CDH18: variants seen among roughly 807,000 people sequenced by gnomAD.
The protein encoded by CDH18 is cadherin 18, also known as cadherin-18.
Under a neutral mutation model 67.9 loss-of-function variants are expected in CDH18, and 31 were observed. The observed-to-expected ratio is 0.46, with a 90% confidence interval of 0.34 to 0.62. CDH18 has a LOEUF of 0.62. Ranked by LOEUF, CDH18 falls within the 20% of genes least tolerant of loss-of-function variation. The pLI is 0.01. For missense variants in CDH18, 890 were observed against 975.5 expected (o/e 0.91, Z 1.17); for synonymous variants, 362 against 347.2 (o/e 1.04, Z -0.48).
At chr5:20,443,773 A>G (rs1036180313) in intron 1 of CDH18, among the ~76,000 whole-genome samples, 6 of 151,980 alleles carry the variant, frequency 3.9e-5, no homozygotes, top group Admixed American at 2.0e-4. Context: ...TCTATCTCTC[A>G]TTGACAAACT....
intron 2 of CDH18, among the ~76,000 whole-genome samples, chr5:19,956,314 A>G (rs891595274): frequency 6.6e-6 from 1 of 151,970 alleles, no homozygotes; most frequent in Non-Finnish European, 1.5e-5. Flanking sequence ...TATATGTTCA[A>G]TTTTAATCTT....
chr5:20,410,874 A>T (rs533172937), intron 1 of CDH18, among the ~76,000 whole-genome samples: 11 of 151,904 alleles, frequency 7.2e-5, no homozygotes, highest in African/African-American at 2.2e-4. Flanking sequence ...GGAATAAAAT[A>T]CTTAAGAATA....
At chr5:20,525,492 C>T (rs1755994457) in intron 1 of CDH18, among the ~76,000 whole-genome samples, 2 of 152,104 alleles carry the variant, frequency 1.3e-5, no homozygotes, top group Admixed American at 1.3e-4. Context: ...CTCCCAACTA[C>T]CACCCATAAA....
chr5:19,940,312 T>A (rs1429015593), intron 2 of CDH18, among the ~76,000 whole-genome samples: 1 of 151,808 alleles, frequency 6.6e-6, no homozygotes, highest in Admixed American at 6.6e-5. Flanking sequence ...ATAGCTTACA[T>A]GTGACCCTAT....
intron 5 of CDH18, among the ~76,000 whole-genome samples, chr5:19,613,839 T>C (rs896142003): frequency 2.6e-5 from 4 of 152,166 alleles, no homozygotes; most frequent in Admixed American, 2.0e-4. Context: ...TATATCTATG[T>C]GTATATATGT....
chr5:19,496,154 G>A (rs191681345), intron 11 of CDH18, among the ~76,000 whole-genome samples: 13 of 152,292 alleles, frequency 8.5e-5, no homozygotes, highest in Admixed American at 1.3e-4. Flanking sequence ...AAAGGCCACT[G>A]TGAGTGCACA....
chr5:20,565,736 T>C (rs1758465084), intron 1 of CDH18, among the ~76,000 whole-genome samples: 1 of 147,514 alleles, frequency 6.8e-6, no homozygotes, highest in South Asian at 2.2e-4. Flanking sequence ...AGCCTTTGCG[T>C]TCCTCCTTGT....
intron 1 of CDH18, among the ~76,000 whole-genome samples, chr5:20,482,278 G>A (rs560943529): frequency 1.3e-5 from 2 of 152,072 alleles, no homozygotes; most frequent in South Asian, 4.1e-4. Flanking sequence ...CAAGTAATGA[G>A]ATTAAAACCA....
intron 8 of CDH18, among the ~76,000 whole-genome samples, chr5:19,554,844 T>C (rs6886354): frequency 0.015 from 2,244 of 152,174 alleles, 56 homozygotes; most frequent in African/African-American, 0.051. Flanking sequence ...TTGTCCAGTG[T>C]CAATTATTAA....
chr5:20,292,795 A>G (rs976938879), intron 1 of CDH18, among the ~76,000 whole-genome samples: 3 of 152,098 alleles, frequency 2.0e-5, no homozygotes, highest in Non-Finnish European at 4.4e-5. Flanking sequence ...ATGTCTTCAT[A>G]TCATCTTCCC....
intron 2 of CDH18, among the ~76,000 whole-genome samples, chr5:19,953,396 T>C (rs920113513): frequency 1.3e-5 from 2 of 152,074 alleles, no homozygotes; most frequent in South Asian, 2.1e-4. Context: ...TATTGGTTTC[T>C]GTTATGTTGA....
intron 11 of CDH18, among the ~76,000 whole-genome samples, chr5:19,490,790 T>C (rs6894128): frequency 0.36 from 54,111 of 151,890 alleles, 10,054 homozygotes; most frequent in African/African-American, 0.45. Flanking sequence ...TTCTTTCATT[T>C]GTGAGTAGGA....
intron 2 of CDH18, among the ~76,000 whole-genome samples, chr5:20,053,537 T>A (rs1210644692): frequency 6.6e-6 from 1 of 152,102 alleles, no homozygotes; most frequent in Non-Finnish European, 1.5e-5. Context: ...AGACTGAGTA[T>A]CTTGGAGGCA....
chr5:19,943,143 G>C (rs1022686703), intron 2 of CDH18, among the ~76,000 whole-genome samples: 21 of 152,122 alleles, frequency 1.4e-4, no homozygotes, highest in African/African-American at 5.1e-4. Flanking sequence ...TTCCTGACAA[G>C]ACTGTGAGGT....
chr5:20,020,494 G>C (rs1738317929), intron 2 of CDH18, among the ~76,000 whole-genome samples: 1 of 152,160 alleles, frequency 6.6e-6, no homozygotes, highest in African/African-American at 2.4e-5. Context: ...TCAGGAACCA[G>C]CTGCCCTGTG....
chr5:20,471,833 T>TTAAAAAAAAAAAAAAAAAAAAAAA (rs757184101), intron 1 of CDH18, among the ~76,000 whole-genome samples: 4 of 51,498 alleles, frequency 7.8e-5, no homozygotes, highest in African/African-American at 2.6e-4. Context: ...AGATTCAGTC[T>TTAAAAAAAAAAAAAAAAAAAAAAA]AAAAAAAAAA....
At chr5:20,178,242 G>C (rs981704889) in intron 2 of CDH18, among the ~76,000 whole-genome samples, 2 of 151,958 alleles carry the variant, frequency 1.3e-5, no homozygotes, top group Non-Finnish European at 2.9e-5. Flanking sequence ...CAGATCTCCT[G>C]GGTCTCCAGC....
chr5:20,540,895 C>T (rs1757015201), intron 1 of CDH18, among the ~76,000 whole-genome samples: 1 of 152,168 alleles, frequency 6.6e-6, no homozygotes, highest in Non-Finnish European at 1.5e-5. Context: ...GGAGAATATG[C>T]CACTTGACCG....
chr5:19,969,912 A>G (rs1432866685), intron 2 of CDH18, among the ~76,000 whole-genome samples: 2 of 152,162 alleles, frequency 1.3e-5, no homozygotes, highest in Non-Finnish European at 2.9e-5. Context: ...TAATATAAAC[A>G]TTTAAAAATC....
Sources: allele counts gnomAD v4.1 joint callset (sites outside exome capture counted in the v4.1 genomes callset), GRCh38; gene constraint gnomAD v4.1.1; transcripts MANE v1.5; gene names NCBI Gene and HGNC (gene_info 2026-07-23, HGNC 2026-07-21).